Variants in EXOC6 observed in about 807,000 individuals in gnomAD.
EXOC6 encodes the protein exocyst complex component 6.
Under a neutral mutation model 112.5 loss-of-function variants are expected in EXOC6, and 60 were observed. That is an observed-to-expected ratio of 0.53 (90% CI 0.43 to 0.66). The LOEUF (loss-of-function observed/expected upper bound fraction) is 0.66, where lower values mean the gene tolerates loss of function less well. Ranked by LOEUF, EXOC6 falls within the 30% of genes least tolerant of loss-of-function variation. The pLI, the probability that EXOC6 is intolerant of heterozygous loss-of-function variation, is 0.00. For synonymous variants in EXOC6, 295 were observed against 308.0 expected (o/e 0.96, Z 0.44); for missense variants, 855 against 957.1 (o/e 0.89, Z 1.41).
intron 20 of EXOC6, among the ~76,000 whole-genome samples, chr10:93,020,341 G>T (rs751491428): frequency 7.9e-5 from 12 of 152,046 alleles, no homozygotes; most frequent in Non-Finnish European, 1.8e-4. Context: ...CAGCCTTTAT[G>T]CCTACAGATA....
At chr10:92,910,517 T>C (rs1017535466) in intron 6 of EXOC6, among the ~76,000 whole-genome samples, 3 of 152,140 alleles carry the variant, frequency 2.0e-5, no homozygotes, top group Admixed American at 2.0e-4. Flanking sequence ...TGGAAATGTT[T>C]TATACCATGA....
intron 16 of EXOC6, among the ~76,000 whole-genome samples, chr10:92,955,002 G>A (rs373409180): frequency 6.6e-6 from 1 of 152,020 alleles, no homozygotes; most frequent in African/African-American, 2.4e-5. Flanking sequence ...GACCAGCCTG[G>A]GCAATATAGT....
intron 4 of EXOC6, among the ~76,000 whole-genome samples, 197 bp downstream of exon 4, chr10:92,895,217 T>G (rs1849686903): frequency 6.6e-6 from 1 of 152,210 alleles, no homozygotes; most frequent in Admixed American, 6.5e-5. Flanking sequence ...CTTGTTTGAT[T>G]ATATGTCACA....
chr10:92,932,443 T>C (rs1466372030), intron 9 of EXOC6, among the ~76,000 whole-genome samples: 7 of 152,172 alleles, frequency 4.6e-5, no homozygotes, highest in Non-Finnish European at 2.9e-5. Context: ...TTTTATTATA[T>C]GTAAATTGTA....
intron 1 of EXOC6, among the ~76,000 whole-genome samples, chr10:92,884,271 T>C (rs889612407): frequency 2.6e-5 from 4 of 152,228 alleles, no homozygotes; most frequent in African/African-American, 9.6e-5. Flanking sequence ...ACAAGCAGTG[T>C]CAATGCCCAG....
chr10:92,934,293 G>A lies in EXOC6; in HGVS notation c.1020-17G>A. 2 of 1,565,944 alleles carry A rather than the reference G, an allele frequency of 1.3e-6. No homozygotes were observed. Among genetic ancestry groups the A allele is most frequent in the Non-Finnish European group, 1.7e-6 (2 of 1,164,352 alleles). On this transcript the variant is annotated splice_polypyrimidine_tract_variant and intron_variant, in intron 10 of 21. Coordinates refer to ENST00000260762, the MANE Select transcript of EXOC6 (RefSeq NM_019053.6). ...GTTTTTTTTTTTAACACATGCTTTG[G>A]TAATTACTGTTTTTAGGTTCTTTGT...
chr10:92,871,498 C>CAA (rs75179832), intron 1 of EXOC6, among the ~76,000 whole-genome samples: 25 of 67,130 alleles, frequency 3.7e-4, no homozygotes, highest in Non-Finnish European at 4.3e-4. Flanking sequence ...GACCCTGTCT[C>CAA]AAAAAAAAAA....
At chr10:92,865,146 C>T (rs990297427) in intron 1 of EXOC6, among the ~76,000 whole-genome samples, 1 of 152,036 alleles carries the variant, frequency 6.6e-6, no homozygotes, top group African/African-American at 2.4e-5. Flanking sequence ...TTTAAGAGAA[C>T]AAAAATTTTG....
At position 92,934,129 on chromosome 10, in the gene EXOC6, A is replaced by G. The variant is rs1253423430; in HGVS notation, c.973-15A>G. ...TATTTATTGGTTTAAATTGATTTTTATTTTTCATTTTAAGCATGAAACAGT... is the reference window on the plus strand; with the variant it reads ...TATTTATTGGTTTAAATTGATTTTTGTTTTTCATTTTAAGCATGAAACAGT... On this transcript the variant is annotated splice_polypyrimidine_tract_variant and intron_variant, in intron 9 of 21. Transcript: ENST00000260762. 6.7e-7 allele frequency: 1 copy of G among 1,483,188 alleles called. No homozygotes were observed. Among genetic ancestry groups the G allele is most frequent in the Non-Finnish European group, 9.3e-7 (1 of 1,076,284 alleles). The allele number at this position is 1,483,188 out of a possible 1,614,324, so 91.9% of individuals were successfully genotyped here. A position where few individuals can be genotyped will look rare whatever the true frequency, so the allele number is the denominator to read the frequency against.
chr10:92,925,570 C>A (rs1174901957), intron 8 of EXOC6, among the ~76,000 whole-genome samples: 1 of 152,182 alleles, frequency 6.6e-6, no homozygotes, highest in Non-Finnish European at 1.5e-5. Context: ...GCTGGGATTA[C>A]AGGCGTGAGC....
At chr10:92,893,653 G>A (rs1660769699) in intron 2 of EXOC6, 133 bp downstream of exon 2, 1 of 655,524 alleles carries the variant, frequency 1.5e-6, no homozygotes, top group East Asian at 2.7e-5. Flanking sequence ...ATTAGGGAAT[G>A]CTCTTTATGC....
chr10:92,877,865 T>C (rs1848751487), intron 1 of EXOC6, among the ~76,000 whole-genome samples: 1 of 152,238 alleles, frequency 6.6e-6, no homozygotes, highest in Non-Finnish European at 1.5e-5. Flanking sequence ...GAAAAGGATA[T>C]GTCTTTAGGT....
intron 5 of EXOC6, among the ~76,000 whole-genome samples, chr10:92,908,651 G>T (rs2025730): frequency 0.78 from 119,156 of 152,110 alleles, 47,933 homozygotes; most frequent in East Asian, 1. Context: ...GTATTTTAGT[G>T]TTCTCATCTA....
At chr10:92,993,240 GTC>G (rs2134163450) in intron 18 of EXOC6, among the ~76,000 whole-genome samples, 1 of 152,100 alleles carries the variant, frequency 6.6e-6, no homozygotes, top group South Asian at 2.1e-4. Flanking sequence ...ATATATTTGA[GTC>G]TGTGTATTTC....
At chr10:92,865,405 G>A (rs1018328530) in intron 1 of EXOC6, among the ~76,000 whole-genome samples, 35 of 152,016 alleles carry the variant, frequency 2.3e-4, no homozygotes, top group East Asian at 3.9e-4. Context: ...GCGTGGTGGC[G>A]TGCGCCTGTA....
intron 15 of EXOC6, among the ~76,000 whole-genome samples, chr10:92,952,888 G>A (rs1261462511): frequency 2.6e-5 from 4 of 152,102 alleles, no homozygotes; most frequent in African/African-American, 7.2e-5. Flanking sequence ...CTAGTAGTGG[G>A]TAGAGGCCAG....
intron 6 of EXOC6, 99 bp from the exon 7 acceptor site, chr10:92,915,659 A>T: frequency 1.4e-6 from 1 of 737,254 alleles, no homozygotes; most frequent in South Asian, 2.7e-5. Context: ...ATACCTACAG[A>T]CATTAAAAAG....
upstream of EXOC6, among the ~76,000 whole-genome samples, chr10:92,846,756 C>G (rs1482499547): frequency 6.6e-6 from 1 of 152,140 alleles, no homozygotes; most frequent in Non-Finnish European, 1.5e-5. Flanking sequence ...TGCTCACATT[C>G]TAATCCCTGG....
chr10:92,933,324 T>C (rs568067169), intron 9 of EXOC6, among the ~76,000 whole-genome samples: 2 of 152,290 alleles, frequency 1.3e-5, no homozygotes, highest in African/African-American at 4.8e-5. Context: ...CTTCATCTAA[T>C]GGAATATATA....
Sources: gnomAD v4.1 joint callset for allele counts (sites outside exome capture counted in the v4.1 genomes callset) on GRCh38, gnomAD v4.1.1 for gene constraint, MANE v1.5 for transcripts, NCBI Gene and HGNC (gene_info 2026-07-23, HGNC 2026-07-21) for gene names.